The following WDPCP variants were observed in gnomAD, a reference collection of about 807,000 sequenced individuals.
WDPCP encodes the protein WD repeat containing planar cell polarity effector, also known as WD repeat-containing and planar cell polarity effector protein fritz homolog.
A neutral mutation model predicts 93.1 loss-of-function variants in WDPCP; 71 were observed. The observed-to-expected ratio is 0.76, with a 90% CI of 0.63 to 0.93. The LOEUF (loss-of-function observed/expected upper bound fraction) is 0.93, where lower values mean the gene tolerates loss of function less well. Ranked by LOEUF, WDPCP falls within the 40% of genes least tolerant of loss-of-function variation. The pLI is 0.00. For synonymous variants in WDPCP, 315 were observed against 315.0 expected, an observed-to-expected ratio of 1.00 and a Z score of 0.00; for missense variants, 844 against 887.4, an observed-to-expected ratio of 0.95 and a Z score of 0.62.
Position 63,769,862 on chromosome 2 carries a change from A to G in WDPCP, n.308+43760T>C, listed in dbSNP as rs149427424. 4.1e-3 allele frequency among the ~76,000 whole-genome samples: 630 copies of G among 151,996 alleles called. 3 individuals are homozygous for G. Among genetic ancestry groups the G allele is most frequent in the African/African-American group, 0.014 (590 of 41,532 alleles). On this transcript the variant is annotated intron_variant and non_coding_transcript_variant, in intron 2 of 4. Transcript: ENST00000467687. ...TTCTGTGTGAGGGATACAGAATTCT[A>G]TTAGTTTTTCTTTAAGTTTCTGTTA...
chr2:63,697,190 T>A (rs1409481974), intron 2 of WDPCP, among the ~76,000 whole-genome samples: 2 of 152,210 alleles, frequency 1.3e-5, no homozygotes, highest in Non-Finnish European at 2.9e-5. Context: ...AAGCCCACAC[T>A]ACCTGCCAGC....
intron 15 of WDPCP, among the ~76,000 whole-genome samples, chr2:63,171,859 A>G (rs1246303251): frequency 6.6e-6 from 1 of 152,216 alleles, no homozygotes; most frequent in African/African-American, 2.4e-5. Flanking sequence ...TTCAGCAATT[A>G]AGAAGGAATA....
At chr2:63,162,078 G>A (rs904830044) in intron 15 of WDPCP, among the ~76,000 whole-genome samples, 5 of 152,152 alleles carry the variant, frequency 3.3e-5, no homozygotes, top group Non-Finnish European at 7.3e-5. Context: ...CCATCTGTGC[G>A]TAAATTCTTA....
chr2:63,356,678 G>A (rs1412845175), intron 12 of WDPCP, among the ~76,000 whole-genome samples: 1 of 152,130 alleles, frequency 6.6e-6, no homozygotes, highest in African/African-American at 2.4e-5. Context: ...ATGACTTTTG[G>A]ATAAACAATG....
At chr2:63,226,043 A>C (rs1039765898) in intron 14 of WDPCP, among the ~76,000 whole-genome samples, 1 of 151,986 alleles carries the variant, frequency 6.6e-6, no homozygotes, top group Admixed American at 6.6e-5. Context: ...ATAGAAACAA[A>C]ATTTGGCTCT....
chr2:63,622,080 T>TTTTA, intron 3 of WDPCP: 1 of 1,090,842 alleles, frequency 9.2e-7, no homozygotes, highest in Non-Finnish European at 1.2e-6. Flanking sequence ...TTTTTTTTTT[T>TTTTA]TTTTGGAAGT....
chr2:63,312,256 G>A (rs920593983), intron 13 of WDPCP, among the ~76,000 whole-genome samples: 2 of 152,096 alleles, frequency 1.3e-5, no homozygotes, highest in Admixed American at 6.6e-5. Flanking sequence ...AAAGATGATT[G>A]ATCTAATGTG....
intron 13 of WDPCP, among the ~76,000 whole-genome samples, chr2:63,264,283 T>C (rs1177673164): frequency 6.6e-6 from 1 of 152,216 alleles, no homozygotes; most frequent in African/African-American, 2.4e-5. Flanking sequence ...GGGAAAAAGA[T>C]ATTCCATTCA....
intron 14 of WDPCP, among the ~76,000 whole-genome samples, chr2:63,215,387 C>T (rs1360461423): frequency 6.6e-6 from 1 of 152,128 alleles, no homozygotes; most frequent in Non-Finnish European, 1.5e-5. Flanking sequence ...CAGAACAGAG[C>T]CCTCAGAAAT....
chr2:63,635,782 TAAG>T (rs1368759500), intron 3 of WDPCP, among the ~76,000 whole-genome samples: 1 of 152,206 alleles, frequency 6.6e-6, no homozygotes, highest in Non-Finnish European at 1.5e-5. Flanking sequence ...GGTTTTCCTC[TAAG>T]AAGTAGAACA....
chr2:63,739,853 T>C (rs1669689921), intron 2 of WDPCP, among the ~76,000 whole-genome samples: 1 of 152,082 alleles, frequency 6.6e-6, no homozygotes, highest in African/African-American at 2.4e-5. Flanking sequence ...TTTTTTTTCA[T>C]ATGCTTGTTG....
At chr2:63,588,112 A>C in intron 1 of WDPCP, 85 bp downstream of exon 1, 1 of 1,489,214 alleles carries the variant, frequency 6.7e-7, no homozygotes, top group Non-Finnish European at 9.2e-7. Flanking sequence ...CGCACAGCGG[A>C]TAAAAGCAAA....
chr2:63,448,361 G>A (rs562275035), intron 6 of WDPCP, among the ~76,000 whole-genome samples: 7 of 152,066 alleles, frequency 4.6e-5, no homozygotes, highest in African/African-American at 1.7e-4. Flanking sequence ...AAGAAAGTAA[G>A]CTTGGCAACT....
At chr2:63,292,628 A>G (rs1011339446) in intron 13 of WDPCP, among the ~76,000 whole-genome samples, 1 of 152,176 alleles carries the variant, frequency 6.6e-6, no homozygotes, top group Non-Finnish European at 1.5e-5. Context: ...GGGGACCACA[A>G]TAAAGACTTC....
chr2:63,789,194 C>G (rs1375486209), intron 2 of WDPCP, among the ~76,000 whole-genome samples: 1 of 152,030 alleles, frequency 6.6e-6, no homozygotes, highest in Non-Finnish European at 1.5e-5. Context: ...AACATTATAT[C>G]ATTTTTCTGG....
chr2:63,186,357 C>A (rs1014157651), intron 14 of WDPCP, among the ~76,000 whole-genome samples: 2 of 151,840 alleles, frequency 1.3e-5, no homozygotes, highest in Non-Finnish European at 2.9e-5. Context: ...GGGGGCCCTT[C>A]CCCACCTCCA....
At chr2:63,304,677 G>A (rs932868648) in intron 13 of WDPCP, among the ~76,000 whole-genome samples, 16 of 152,154 alleles carry the variant, frequency 1.1e-4, no homozygotes, top group African/African-American at 3.9e-4. Flanking sequence ...GTGGCTGTTT[G>A]GGAAGACACC....
chr2:63,143,160 C>G (rs187671515), intron 17 of WDPCP, among the ~76,000 whole-genome samples: 34 of 152,192 alleles, frequency 2.2e-4, no homozygotes, highest in African/African-American at 7.2e-4. Flanking sequence ...AAGGTTTTTA[C>G]CATTATATAA....
intron 6 of WDPCP, among the ~76,000 whole-genome samples, chr2:63,468,392 G>A (rs1011768916): frequency 6.6e-6 from 1 of 152,166 alleles, no homozygotes; most frequent in African/African-American, 2.4e-5. Flanking sequence ...TTGTTAAAAT[G>A]TCAGAGAATA....
Sources: allele counts gnomAD v4.1 joint callset (sites outside exome capture counted in the v4.1 genomes callset), GRCh38; gene constraint gnomAD v4.1.1; transcripts MANE v1.5; gene names NCBI Gene and HGNC (gene_info 2026-07-23, HGNC 2026-07-21).